Variants in DUSP15 observed in about 807,000 individuals in gnomAD.
DUSP15 encodes the protein dual specificity protein phosphatase 15.
A neutral mutation model predicts 26.3 loss-of-function variants in DUSP15; 23 were observed. That is an observed-to-expected ratio of 0.87 (90% CI 0.63 to 1.24). The LOEUF (loss-of-function observed/expected upper bound fraction) is 1.24. Among genes scored for constraint, DUSP15 ranks in the 50% most tolerant of loss-of-function variants. The probability of loss-of-function intolerance (pLI) is 0.00; values close to 1 mark genes in which losing one functional copy is unlikely to be tolerated. For missense variants in DUSP15, 364 were observed against 320.6 expected (o/e 1.14, Z -1.03); for synonymous variants, 143 against 135.5 (o/e 1.06, Z -0.39).
Position 31,870,200 on chromosome 20 carries a change from C to T in DUSP15, c.21+117G>A. On this transcript the variant is annotated intron_variant, in intron 1 of 6. Transcript: ENST00000339738. This position sits in a 1 kb window ranked among gnomAD's most constrained non-coding sequence, Gnocchi z 6.6. Reference sequence around the variant, plus strand: ...TCGAGTCACAGGGACACGGAGATGCCGCCGCACGGAGACCGGCGAGAACAG... The same window carrying T: ...TCGAGTCACAGGGACACGGAGATGCTGCCGCACGGAGACCGGCGAGAACAG... The T allele has an allele frequency of 8.2e-7, 1 of 1,225,262 alleles. No individual in the cohort carries two copies. Among genetic ancestry groups the T allele is most frequent in the Non-Finnish European group, 1.0e-6 (1 of 983,494 alleles). 75.9% of individuals were successfully genotyped at this position (1,225,262 alleles called of 1,614,324 possible).
At position 31,862,731 on chromosome 20, in the gene DUSP15, A is replaced by T; in HGVS notation, c.275T>A (p.Ile92Asn). ...TGTCACAATCGTGGTGCTGCGAGAG[A>T]TGCCTGCAAAGCTGGGATCCCCAAC... is the stretch of plus-strand genomic sequence containing the variant. ...GNCLVHCFAG[I>N]SRSTTIVTAY... Residue 92 changes from isoleucine (I) to asparagine (N), a missense_variant, in exon 6 of 7, where the codon ATC becomes AAC. By Grantham distance (149) the Ile-to-Asn change is moderately radical. Transcript: ENST00000339738. 6.2e-7 allele frequency: 1 copy of T among 1,605,414 alleles called. No homozygotes were observed. The highest frequency in any genetic ancestry group is 8.5e-7 in the Non-Finnish European group (1 of 1,173,750).
chr20:31,845,598 C>G, downstream of DUSP15: 1 of 1,588,180 alleles, frequency 6.3e-7, no homozygotes, highest in Non-Finnish European at 8.6e-7. Context: ...GCTTCCAGGG[C>G]TGGCGTCCGG....
chr20:31,848,869 CA>C lies in DUSP15; in HGVS notation c.662del (p.Leu221ArgfsTer36). 6.2e-7 allele frequency: 1 copy of C among 1,612,182 alleles called. No homozygotes were observed. Among genetic ancestry groups the C allele is most frequent in the East Asian group, 2.2e-5 (1 of 44,882 alleles). On this transcript the variant is annotated frameshift_variant, in exon 9 of 10. Transcript: ENST00000278979. LOFTEE classifies it high-confidence loss of function. The stretch of plus-strand genomic sequence containing the variant: ...GGCCCGGGTCCTCCTCACCGAAGCA[CA>C]GACAGATCTGGTACTTTGGGTCCGG...
At chr20:31,869,679 C>T in intron 1 of DUSP15, 82 bp from the exon 2 acceptor site, 1 of 1,565,362 alleles carries the variant, frequency 6.4e-7, no homozygotes, top group Middle Eastern at 1.7e-4. Flanking sequence ...GCCCACAGCC[C>T]CTCTCTGTCC....
Position 31,870,048 on chromosome 20 carries a change from T to C in DUSP15, c.21+269A>G. The C allele has an allele frequency of 4.7e-6, 6 of 1,280,650 alleles. No individual in the cohort carries two copies. The highest frequency in any genetic ancestry group is 5.9e-6 in the Non-Finnish European group (6 of 1,015,132). 79.3% of individuals were successfully genotyped at this position (1,280,650 alleles called of 1,614,324 possible). On this transcript the variant is annotated intron_variant, in intron 1 of 6. Transcript: ENST00000339738. This position sits in a 1 kb window ranked among gnomAD's most constrained non-coding sequence, Gnocchi z 6.6. ...CATGCAGACGGAGAGCAGGACTCACTGGGAGACAGCCTGGGAGTGACAGCC... is the reference window on the plus strand; with the variant it reads ...CATGCAGACGGAGAGCAGGACTCACCGGGAGACAGCCTGGGAGTGACAGCC...
intron 2 of DUSP15, among the ~76,000 whole-genome samples, chr20:31,867,882 T>C (rs2062810441): frequency 6.6e-6 from 1 of 152,150 alleles, no homozygotes; most frequent in Non-Finnish European, 1.5e-5. Context: ...CCTGACCTCG[T>C]GATCCGCCCG....
chr20:31,867,631 G>GTTTTTTTTTTTTTTTTTTTT (rs57662463), intron 2 of DUSP15, among the ~76,000 whole-genome samples: 1 of 77,646 alleles, frequency 1.3e-5, no homozygotes, highest in African/African-American at 5.5e-5. Context: ...TGCCCACAAT[G>GTTTTTTTTTTTTTTTTTTTT]TTTTTTTTTT....
At chr20:31,853,923 G>A (rs370274494) in intron 6 of DUSP15, among the ~76,000 whole-genome samples, 2 of 152,252 alleles carry the variant, frequency 1.3e-5, no homozygotes, top group South Asian at 2.1e-4. Flanking sequence ...ACTTTAAAGA[G>A]TGTGGTCAGA....
In DUSP15 at chr20:31,870,506, A is replaced by AC; in HGVS notation, c.-170dup. ...GCCCAGCCACCGCCACCGCCCGCCGACCCCCGGCCCGGGAGGGAAATGGTG... is the reference window on the plus strand; with the variant it reads ...GCCCAGCCACCGCCACCGCCCGCCGACCCCCCGGCCCGGGAGGGAAATGGTG... On this transcript the variant is annotated 5_prime_UTR_variant, in exon 1 of 7. Coordinates refer to ENST00000339738, the MANE Select transcript of DUSP15 (RefSeq NM_080611.5). This position sits in a 1 kb window ranked among gnomAD's most constrained non-coding sequence, Gnocchi z 6.6. The AC allele has an allele frequency of 2.1e-6, 3 of 1,400,208 alleles. No individual in the cohort carries two copies. Among genetic ancestry groups the AC allele is most frequent in the Admixed American group, 5.9e-5 (2 of 33,968 alleles). The allele number at this position is 1,400,208 out of a possible 1,614,324, so 86.7% of individuals were successfully genotyped here.
intron 6 of DUSP15, 56 bp downstream of exon 6, chr20:31,862,515 G>T: frequency 6.6e-7 from 1 of 1,522,190 alleles, no homozygotes; most frequent in East Asian, 2.3e-5. Context: ...ATCAGTTCGA[G>T]TGGGAAGAAG....
At chr20:31,861,045 T>C (rs1229370252), downstream of DUSP15, 4 of 1,079,602 alleles carry the variant, frequency 3.7e-6, no homozygotes, top group South Asian at 8.4e-5. Context: ...CCCGCCTTTG[T>C]TGAATGACTG....
Position 31,870,238 on chromosome 20 carries a change from G to C in DUSP15, c.21+79C>G. 8.2e-7 allele frequency: 1 copy of C among 1,226,062 alleles called. No individual in the cohort carries two copies. Among genetic ancestry groups the C allele is most frequent in the Non-Finnish European group, 1.0e-6 (1 of 984,032 alleles). 75.9% of individuals were successfully genotyped at this position (1,226,062 alleles called of 1,614,324 possible). On this transcript the variant is annotated intron_variant, in intron 1 of 6. Coordinates refer to ENST00000339738, the MANE Select transcript of DUSP15 (RefSeq NM_080611.5). This position sits in a 1 kb window ranked among gnomAD's most constrained non-coding sequence, Gnocchi z 6.6. ...CCGGCGAGAACAGAAGGTCAGAGGC[G>C]GGCGGACCGAGCTGGTCAGCGCCGG... is the stretch of plus-strand genomic sequence containing the variant.
chr20:31,869,498 A>G, intron 2 of DUSP15, 66 bp downstream of exon 2: 1 of 1,578,788 alleles, frequency 6.3e-7, no homozygotes, highest in Non-Finnish European at 8.6e-7. Flanking sequence ...CCAGGGCATG[A>G]ATGGTGGACA....
chr20:31,846,912 C>T (rs760767423), downstream of DUSP15, among the ~76,000 whole-genome samples: 16 of 152,222 alleles, frequency 1.1e-4, no homozygotes, highest in African/African-American at 3.6e-4. Flanking sequence ...GCAGCACCCT[C>T]ATCAAGAGCC....
At chr20:31,868,252 T>C (rs561361829) in intron 2 of DUSP15, among the ~76,000 whole-genome samples, 1 of 152,264 alleles carries the variant, frequency 6.6e-6, no homozygotes, top group Admixed American at 6.5e-5. Context: ...TACAGAGGGT[T>C]CAGACCTTAC....
intron 7 of DUSP15, chr20:31,849,994 T>A: frequency 8.0e-7 from 1 of 1,246,074 alleles, no homozygotes; most frequent in Non-Finnish European, 1.1e-6. Flanking sequence ...ACCTCGGAAA[T>A]TTTGGGTGCT....
chr20:31,856,802 G>C (rs2062568875), downstream of DUSP15, among the ~76,000 whole-genome samples: 1 of 152,030 alleles, frequency 6.6e-6, no homozygotes, highest in Non-Finnish European at 1.5e-5. Flanking sequence ...TGGGACATGA[G>C]GAAGTAGGTT....
At chr20:31,864,075 T>A (rs2062718342) in intron 4 of DUSP15, 94 bp from the exon 5 acceptor site, 6 of 1,573,460 alleles carry the variant, frequency 3.8e-6, no homozygotes, top group Non-Finnish European at 5.2e-6. Flanking sequence ...GCAAGGGACA[T>A]AGAGCCCTGG....
intron 7 of DUSP15, chr20:31,849,888 G>A (rs900577386): frequency 7.4e-6 from 11 of 1,482,168 alleles, no homozygotes; most frequent in African/African-American, 1.4e-5. Flanking sequence ...TGGGGCGAGA[G>A]AGGGTGCACG....
Sources: gnomAD v4.1 joint callset for allele counts (sites outside exome capture counted in the v4.1 genomes callset) on GRCh38, gnomAD v4.1.1 for gene constraint, Gnocchi (gnomAD v3.1) non-coding constraint, MANE v1.5 for transcripts, NCBI Gene and HGNC (gene_info 2026-07-23, HGNC 2026-07-21) for gene names.